Variants in ARHGEF38 observed in about 807,000 individuals in gnomAD.
ARHGEF38 encodes Rho guanine nucleotide exchange factor 38, also known as Rho guanine nucleotide exchange factor (GEF) 38.
A neutral mutation model predicts 79.9 loss-of-function variants in ARHGEF38; 79 were observed. That is an observed-to-expected ratio of 0.99 (90% CI 0.82 to 1.19). The LOEUF (loss-of-function observed/expected upper bound fraction) is 1.19. Ranked by LOEUF, ARHGEF38 falls within the 50% of genes most tolerant of loss-of-function variation. ARHGEF38 has a pLI of 0.00. For missense variants in ARHGEF38, 962 were observed against 907.2 expected (o/e 1.06, Z -0.78); for synonymous variants, 366 against 328.3 (o/e 1.11, Z -1.24).
chr4:105,627,060 G>A (rs991422101), intron 3 of ARHGEF38, among the ~76,000 whole-genome samples: 2 of 152,128 alleles, frequency 1.3e-5, no homozygotes, highest in Non-Finnish European at 2.9e-5. Flanking sequence ...CACATAGTAT[G>A]GTAAACGGAA....
intron 1 of ARHGEF38, among the ~76,000 whole-genome samples, chr4:105,588,544 T>C (rs527641478): frequency 1.3e-5 from 2 of 152,324 alleles, no homozygotes; most frequent in South Asian, 4.1e-4. Context: ...TCATATAAAC[T>C]TTTGCTATGT....
rs758254330 is a variant in ARHGEF38, at chr4:105,677,953, A to G, written c.*16A>G. 3 of 1,478,322 alleles carry G rather than the reference A, an allele frequency of 2.0e-6. No individual in the cohort carries two copies. The highest frequency in any genetic ancestry group is 2.3e-5 in the Admixed American group (1 of 44,148). The allele number at this position is 1,478,322 out of a possible 1,614,324, so 91.6% of individuals were successfully genotyped here. A position where few individuals can be genotyped will look rare whatever the true frequency, so the allele number is the denominator to read the frequency against. On this transcript the variant is annotated 3_prime_UTR_variant, in exon 14 of 14. Transcript: ENST00000420470. ...TTATGCTTAAGAAAATAAGCCTTCA[A>G]CTTTTATTTTCCAGCAAGTTGTTGA... is the stretch of plus-strand genomic sequence containing the variant.
intron 1 of ARHGEF38, chr4:105,570,077 G>A (rs1019815436): frequency 2.0e-5 from 3 of 152,118 alleles, no homozygotes; most frequent in South Asian, 2.1e-4. Flanking sequence ...CCCAGGCTTC[G>A]GAGCTAAGCA....
intron 5 of ARHGEF38, among the ~76,000 whole-genome samples, chr4:105,641,315 T>A (rs1729606249): frequency 6.6e-6 from 1 of 152,158 alleles, no homozygotes; most frequent in African/African-American, 2.4e-5. Context: ...TGTAATTGAT[T>A]AACATTTGCA....
intron 1 of ARHGEF38, among the ~76,000 whole-genome samples, chr4:105,554,521 G>A (rs1378874646): frequency 1.3e-5 from 2 of 152,176 alleles, no homozygotes; most frequent in Non-Finnish European, 2.9e-5. Flanking sequence ...CCATGTTGCT[G>A]TAAAGGACAT....
chr4:105,667,814 AGG>A, intron 13 of ARHGEF38, 111 bp downstream of exon 13: 1 of 1,288,640 alleles, frequency 7.8e-7, no homozygotes, highest in Admixed American at 2.4e-5. Flanking sequence ...TTTGACATCA[AGG>A]AGACCTGGCT....
chr4:105,589,505 A>G lies in ARHGEF38; in HGVS notation c.384+70A>G. On this transcript the variant is annotated intron_variant, in intron 2 of 13. Coordinates refer to ENST00000420470, the MANE Select transcript of ARHGEF38 (RefSeq NM_001242729.2). ...TAGGATCACTAGCACCATGAAATTG[A>G]AGCACTCAGGTGTATCAATGGGATG... The G allele has an allele frequency of 5.8e-6, 8 of 1,384,104 alleles. No individual in the cohort carries two copies. The South Asian group carries it at 1.1e-4, about 20-fold the overall frequency. 85.7% of individuals were successfully genotyped at this position (1,384,104 alleles called of 1,614,324 possible).
At chr4:105,581,494 A>G (rs1010827200) in intron 1 of ARHGEF38, among the ~76,000 whole-genome samples, 2 of 152,126 alleles carry the variant, frequency 1.3e-5, no homozygotes, top group Admixed American at 1.3e-4. Context: ...ATTGCATTCT[A>G]TAAAATTTTC....
intron 2 of ARHGEF38, among the ~76,000 whole-genome samples, chr4:105,598,265 T>C (rs1407380917): frequency 6.6e-6 from 1 of 152,162 alleles, no homozygotes; most frequent in Non-Finnish European, 1.5e-5. Context: ...GTAAGGCAGT[T>C]CCTGAGGTCA....
chr4:105,653,918 A>T (rs1451526522), intron 7 of ARHGEF38, 147 bp from the exon 8 acceptor site: 5 of 389,374 alleles, frequency 1.3e-5, no homozygotes, highest in African/African-American at 8.1e-5. Context: ...CAGAGAAAGT[A>T]TGTGTTAAGA....
chr4:105,679,639 G>T lies in ARHGEF38; in HGVS notation c.*1702G>T. 1 of 804,642 alleles carries T rather than the reference G, an allele frequency of 1.2e-6. No homozygotes were observed. Among genetic ancestry groups the T allele is most frequent in the Non-Finnish European group, 2.2e-6 (1 of 445,526 alleles). 49.8% of individuals were successfully genotyped at this position (804,642 alleles called of 1,614,324 possible). A position where few individuals can be genotyped will look rare whatever the true frequency, so the allele number is the denominator to read the frequency against. The stretch of plus-strand genomic sequence containing the variant: ...AGCAGCATAAGAAATGGAAGCCAGA[G>T]ACCTTATGGCATCCATGCTTTTAAA... On this transcript the variant is annotated 3_prime_UTR_variant, in exon 14 of 14. Transcript: ENST00000420470.
At chr4:105,666,495 G>T (rs529684847) in intron 11 of ARHGEF38, among the ~76,000 whole-genome samples, 175 bp downstream of exon 11, 2 of 152,178 alleles carry the variant, frequency 1.3e-5, no homozygotes, top group Admixed American at 1.3e-4. Flanking sequence ...TAAGATCATG[G>T]ATTTTTTTTC....
chr4:105,672,654 C>T (rs1349874519), intron 13 of ARHGEF38, among the ~76,000 whole-genome samples: 1 of 152,158 alleles, frequency 6.6e-6, no homozygotes, highest in Non-Finnish European at 1.5e-5. Context: ...ACATATTTCT[C>T]AGGGGCTGTT....
intron 9 of ARHGEF38, among the ~76,000 whole-genome samples, chr4:105,657,104 G>A (rs1410224972): frequency 6.6e-6 from 1 of 152,122 alleles, no homozygotes; most frequent in African/African-American, 2.4e-5. Context: ...TAATGGAAAA[G>A]GTGTGGCTAG....
At chr4:105,561,474 A>AGAATAGAATAGAATAGAATGGAATG (rs1725590870) in intron 1 of ARHGEF38, 1 of 50,778 alleles carries the variant, frequency 2.0e-5, no homozygotes. Context: ...AGAATAGAAT[A>AGAATAGAATAGAATAGAATGGAATG]GAATAGAATA....
At chr4:105,571,926 C>T (rs115814790) in intron 1 of ARHGEF38, among the ~76,000 whole-genome samples, 35 of 152,192 alleles carry the variant, frequency 2.3e-4, no homozygotes, top group Admixed American at 1.9e-3. Flanking sequence ...AGAAGCCAGG[C>T]GAAAGTACAT....
chr4:105,577,954 T>C (rs1045329507), intron 1 of ARHGEF38, among the ~76,000 whole-genome samples: 1 of 152,158 alleles, frequency 6.6e-6, no homozygotes, highest in Non-Finnish European at 1.5e-5. Context: ...TTATTCCTCT[T>C]CTTCTGCTAG....
At chr4:105,661,112 T>C (rs1185003721) in intron 10 of ARHGEF38, among the ~76,000 whole-genome samples, 2 of 152,242 alleles carry the variant, frequency 1.3e-5, no homozygotes, top group Non-Finnish European at 2.9e-5. Flanking sequence ...GCTTCTTCTA[T>C]TTAGCATAAC....
intron 3 of ARHGEF38, among the ~76,000 whole-genome samples, chr4:105,629,966 T>C (rs898666689): frequency 6.6e-6 from 1 of 152,220 alleles, no homozygotes; most frequent in Non-Finnish European, 1.5e-5. Flanking sequence ...CAGGAAATAT[T>C]AGTGGAGTAA....
Sources: allele counts gnomAD v4.1 joint callset (sites outside exome capture counted in the v4.1 genomes callset), GRCh38; gene constraint gnomAD v4.1.1; transcripts MANE v1.5; gene names NCBI Gene and HGNC (gene_info 2026-07-23, HGNC 2026-07-21).